Variants in TEX11 observed in about 807,000 individuals in gnomAD.
The protein encoded by TEX11 is testis expressed 11.
A neutral mutation model predicts 84.4 loss-of-function variants in TEX11; 7 were observed. That is an observed-to-expected ratio of 0.08 (90% CI 0.05 to 0.16). The LOEUF is 0.16. Ranked by LOEUF, TEX11 falls within the 10% of genes least tolerant of loss-of-function variation. TEX11 has a pLI of 1.00. For synonymous variants in TEX11, 264 were observed against 222.8 expected (o/e 1.18, Z -1.64); for missense variants, 551 against 660.5 (o/e 0.83, Z 1.82).
chrX:70,861,736 G>A (rs2091571413), intron 4 of TEX11, among the ~76,000 whole-genome samples: 1 of 111,178 alleles, frequency 9.0e-6, no homozygotes, highest in African/African-American at 3.3e-5. Flanking sequence ...CAAAGTGCTG[G>A]GATTACAGGT....
At chrX:70,761,131 G>A (rs1440703370) in intron 9 of TEX11, among the ~76,000 whole-genome samples, 1 of 111,841 alleles carries the variant, frequency 8.9e-6, no homozygotes, top group Non-Finnish European at 1.9e-5. Flanking sequence ...AGAGGATATG[G>A]AGAAATAGGA....
intron 9 of TEX11, among the ~76,000 whole-genome samples, chrX:70,790,636 G>C (rs190695685): frequency 5.6e-4 from 63 of 112,234 alleles, no homozygotes; most frequent in African/African-American, 2.0e-3. Context: ...ATAGAGCAGA[G>C]ATGGCTTTCC....
At chrX:70,751,377 G>A (rs920834102) in intron 9 of TEX11, among the ~76,000 whole-genome samples, 3 of 103,093 alleles carry the variant, frequency 2.9e-5, no homozygotes, top group Non-Finnish European at 5.9e-5. Context: ...GCAAACTATC[G>A]CAAGGACAAA....
At chrX:70,751,068 T>C (rs1372190735) in intron 9 of TEX11, among the ~76,000 whole-genome samples, 1 of 102,270 alleles carries the variant, frequency 9.8e-6, no homozygotes, top group Non-Finnish European at 2.0e-5. Flanking sequence ...TGGAAGACAG[T>C]GTGGCGATAC....
intron 2 of TEX11, among the ~76,000 whole-genome samples, chrX:70,887,202 G>A (rs1483407171): frequency 8.9e-6 from 1 of 112,007 alleles, no homozygotes; most frequent in East Asian, 2.8e-4. Flanking sequence ...AAGAAAAGCA[G>A]ATGGAGGAGT....
At chrX:70,571,540 C>T (rs2088598769) in intron 25 of TEX11, among the ~76,000 whole-genome samples, 1 of 111,842 alleles carries the variant, frequency 8.9e-6, no homozygotes, top group Non-Finnish European at 1.9e-5. Flanking sequence ...TGTCATATTT[C>T]ATTTTTGTTA....
chrX:70,562,123 C>T lies in TEX11; in HGVS notation c.2141-7323G>A, dbSNP rs143695547. Among the ~76,000 whole-genome samples the T allele has an allele frequency of 6.1e-3, 686 of 112,416 alleles. 5 individuals are homozygous for T. The highest frequency in any genetic ancestry group is 0.02 in the African/African-American group (619 of 30,992). ...CCTCCCACCACTTCACAGTATCTCA[C>T]AAGCTGCAGTCCTTCTGATATTCAC... is the stretch of plus-strand genomic sequence containing the variant. On this transcript the variant is annotated intron_variant, in intron 25 of 29. Coordinates refer to ENST00000374333, the MANE Select transcript of TEX11 (RefSeq NM_031276.3).
intron 25 of TEX11, among the ~76,000 whole-genome samples, chrX:70,574,314 G>A (rs922489130): frequency 6.2e-4 from 69 of 111,614 alleles, no homozygotes; most frequent in African/African-American, 2.1e-3. Flanking sequence ...CCTCAAGTAA[G>A]AAAGGTTTGA....
intron 9 of TEX11, among the ~76,000 whole-genome samples, chrX:70,788,512 C>T (rs946823047): frequency 2.1e-4 from 23 of 110,671 alleles, no homozygotes; most frequent in African/African-American, 7.6e-4. Flanking sequence ...CAAAAATCAA[C>T]TTAAAATGGA....
chrX:70,858,444 G>GA (rs112685365), intron 5 of TEX11, among the ~76,000 whole-genome samples: 88 of 72,455 alleles, frequency 1.2e-3, no homozygotes, highest in East Asian at 4.5e-3. Flanking sequence ...TCCATCTCAA[G>GA]AAAAAAAAAA....
chrX:70,622,019 G>A (rs938247464), intron 20 of TEX11, among the ~76,000 whole-genome samples: 2 of 111,360 alleles, frequency 1.8e-5, no homozygotes, highest in African/African-American at 6.5e-5. Context: ...TGAGTTGTTA[G>A]TACTTAGGTA....
chrX:70,847,036 C>T (rs996156234), intron 7 of TEX11, among the ~76,000 whole-genome samples: 1 of 111,731 alleles, frequency 9.0e-6, no homozygotes, highest in African/African-American at 3.2e-5. Flanking sequence ...GGCTCTCTCC[C>T]CACAGTAACA....
At chrX:70,870,294 C>T (rs924282612) in intron 4 of TEX11, among the ~76,000 whole-genome samples, 4 of 111,533 alleles carry the variant, frequency 3.6e-5, no homozygotes, top group East Asian at 5.6e-4. Flanking sequence ...GAACCCTATA[C>T]GGAGAATGCA....
intron 2 of TEX11, among the ~76,000 whole-genome samples, chrX:70,881,147 G>A (rs2147873528): frequency 9.1e-6 from 1 of 109,347 alleles, no homozygotes; most frequent in African/African-American, 3.3e-5. Flanking sequence ...GCTCAGCATG[G>A]CAAAACCCCA....
intron 13 of TEX11, among the ~76,000 whole-genome samples, chrX:70,711,378 T>C (rs769831960): frequency 1.1e-3 from 123 of 110,567 alleles, no homozygotes; most frequent in African/African-American, 3.9e-3. Context: ...ACTTCCACAA[T>C]GGTTGAACTA....
chrX:70,863,130 T>G (rs1365507079), intron 4 of TEX11, among the ~76,000 whole-genome samples: 1 of 110,729 alleles, frequency 9.0e-6, no homozygotes, highest in African/African-American at 3.3e-5. Context: ...GGGCACAGCT[T>G]CAGTGAACTT....
At chrX:70,736,095 T>C (rs1457366549) in intron 11 of TEX11, among the ~76,000 whole-genome samples, 1 of 111,743 alleles carries the variant, frequency 8.9e-6, no homozygotes, top group African/African-American at 3.2e-5. Flanking sequence ...CTTGATGATT[T>C]CCTTTGAAGC....
chrX:70,879,410 C>T (rs372977300), intron 3 of TEX11, among the ~76,000 whole-genome samples: 2 of 110,938 alleles, frequency 1.8e-5, no homozygotes, highest in African/African-American at 6.5e-5. Flanking sequence ...CTCACCTTTC[C>T]ATACAAGTAG....
chrX:70,756,329 C>T (rs1602102436), intron 9 of TEX11, among the ~76,000 whole-genome samples: 1 of 112,146 alleles, frequency 8.9e-6, no homozygotes, highest in African/African-American at 3.2e-5. Context: ...GTCCCAGATC[C>T]CTGTGTAGCC....
Sources: allele counts gnomAD v4.1 joint callset (sites outside exome capture counted in the v4.1 genomes callset), GRCh38; gene constraint gnomAD v4.1.1; transcripts MANE v1.5; gene names NCBI Gene and HGNC (gene_info 2026-07-23, HGNC 2026-07-21).